FRMPD2: variants seen among roughly 807,000 people sequenced by gnomAD.
The protein encoded by FRMPD2 is FERM and PDZ domain-containing protein 2.
FRMPD2 carries 96 observed loss-of-function variants against 140.1 expected under a neutral mutation model. The observed-to-expected ratio is 0.69, with a 90% CI of 0.58 to 0.81. FRMPD2 has a LOEUF of 0.81. Ranked by LOEUF, FRMPD2 falls within the 40% of genes least tolerant of loss-of-function variation. The pLI is 0.00. For synonymous variants in FRMPD2, 449 were observed against 547.6 expected, an observed-to-expected ratio of 0.82 and a Z score of 2.52; for missense variants, 1,240 against 1,447.4, an observed-to-expected ratio of 0.86 and a Z score of 2.32.
chr10:48,270,389 A>G (rs1840746653), intron 1 of FRMPD2, among the ~76,000 whole-genome samples: 2 of 152,242 alleles, frequency 1.3e-5, no homozygotes, highest in Non-Finnish European at 2.9e-5. Flanking sequence ...CATTCCTGCC[A>G]TCAGGGTCTT....
intron 21 of FRMPD2, among the ~76,000 whole-genome samples, chr10:48,180,388 G>T (rs1838515149): frequency 6.6e-6 from 1 of 152,078 alleles, no homozygotes; most frequent in Non-Finnish European, 1.5e-5. Flanking sequence ...TCCTCCATGG[G>T]GTATGGTCAA....
At chr10:48,215,399 C>T (rs1461850607) in intron 12 of FRMPD2, among the ~76,000 whole-genome samples, 1 of 152,186 alleles carries the variant, frequency 6.6e-6, no homozygotes, top group Non-Finnish European at 1.5e-5. Flanking sequence ...TGGCATATAG[C>T]AAAGCAATGT....
chr10:48,199,984 C>T (rs1222669745), intron 15 of FRMPD2: 4 of 152,006 alleles, frequency 2.6e-5, no homozygotes, highest in East Asian at 1.9e-4. Flanking sequence ...CTGAAGCAGC[C>T]GAGACCCCAT....
chr10:48,199,553 G>A (rs562904793), intron 15 of FRMPD2: 1 of 152,286 alleles, frequency 6.6e-6, no homozygotes, highest in African/African-American at 2.4e-5. Flanking sequence ...CTGCATTCAG[G>A]TCACCATGCT....
chr10:48,244,496 T>C (rs1404910542), intron 4 of FRMPD2, among the ~76,000 whole-genome samples: 1 of 152,226 alleles, frequency 6.6e-6, no homozygotes, highest in African/African-American at 2.4e-5. Flanking sequence ...TCTATAAAAT[T>C]CTCTAGCTTG....
intron 16 of FRMPD2, among the ~76,000 whole-genome samples, chr10:48,187,903 C>T (rs914051020): frequency 3.3e-5 from 5 of 152,164 alleles, no homozygotes; most frequent in East Asian, 1.9e-4. Flanking sequence ...CTGGCCCTGA[C>T]GGAATATGCC....
intron 10 of FRMPD2, among the ~76,000 whole-genome samples, chr10:48,228,246 GAATT>G (rs1839770381): frequency 6.6e-6 from 1 of 151,872 alleles, no homozygotes; most frequent in Non-Finnish European, 1.5e-5. Context: ...AAAACCAAGT[GAATT>G]AATAAATGTA....
chr10:48,236,183 C>A (rs774592084), intron 9 of FRMPD2, among the ~76,000 whole-genome samples: 3 of 151,596 alleles, frequency 2.0e-5, no homozygotes, highest in African/African-American at 7.3e-5. Context: ...TTGTTTCATT[C>A]GCAGCATAGA....
intron 28 of FRMPD2, among the ~76,000 whole-genome samples, chr10:48,159,775 A>G (rs1837884319): frequency 1.3e-5 from 2 of 151,632 alleles, no homozygotes; most frequent in Admixed American, 1.3e-4. Context: ...GAGTTTAATG[A>G]TATGTGCTAG....
intron 14 of FRMPD2, among the ~76,000 whole-genome samples, chr10:48,205,470 G>T (rs1019099961): frequency 1.3e-5 from 2 of 152,142 alleles, no homozygotes; most frequent in African/African-American, 2.4e-5. Flanking sequence ...TACTTTTTAG[G>T]TTACCTGCAT....
In FRMPD2 at chr10:48,209,503, C is replaced by T. The variant is rs556345793; in HGVS notation, c.1611+2451G>A. Among the ~76,000 whole-genome samples the T allele has an allele frequency of 3.9e-5, 6 of 152,314 alleles. No homozygotes were observed. The East Asian group carries it at 7.7e-4, about 20-fold the overall frequency. On this transcript the variant is annotated intron_variant, in intron 13 of 28. Transcript: ENST00000374201. ...TGAACTGGGGACCAAGAGCTAGCCT[C>T]CCAATAATGGTCTTCTCCTTTTTCT...
At chr10:48,224,207 CT>C (rs954270109) in intron 10 of FRMPD2, among the ~76,000 whole-genome samples, 26 of 152,146 alleles carry the variant, frequency 1.7e-4, no homozygotes, top group Non-Finnish European at 3.7e-4. Context: ...TCCCCCACCC[CT>C]CTGCTCTCTT....
chr10:48,250,701 C>A (rs576628488), intron 2 of FRMPD2, among the ~76,000 whole-genome samples: 4 of 152,114 alleles, frequency 2.6e-5, no homozygotes, highest in African/African-American at 9.6e-5. Context: ...AGCCACCACA[C>A]CAGCGTTTTC....
chr10:48,266,558 T>C (rs975258217), intron 1 of FRMPD2, among the ~76,000 whole-genome samples: 20 of 152,354 alleles, frequency 1.3e-4, no homozygotes, highest in African/African-American at 4.8e-4. Flanking sequence ...TTAACTGATC[T>C]TTGACAAAGG....
chr10:48,183,990 A>G (rs1838615419), intron 20 of FRMPD2, among the ~76,000 whole-genome samples: 1 of 152,072 alleles, frequency 6.6e-6, no homozygotes, highest in African/African-American at 2.4e-5. Context: ...GAGAGAGAGG[A>G]TCAGGAAAAA....
chr10:48,253,463 G>A (rs1163366238), intron 1 of FRMPD2, among the ~76,000 whole-genome samples: 3 of 152,112 alleles, frequency 2.0e-5, no homozygotes, highest in Non-Finnish European at 2.9e-5. Context: ...GTTGGATGAC[G>A]TATGGTCTTA....
intron 13 of FRMPD2, among the ~76,000 whole-genome samples, chr10:48,209,507 A>G (rs750349212): frequency 3.9e-5 from 6 of 152,238 alleles, no homozygotes; most frequent in Non-Finnish European, 7.3e-5. Flanking sequence ...TAGCCTCCCA[A>G]TAATGGTCTT....
intron 15 of FRMPD2, among the ~76,000 whole-genome samples, chr10:48,196,597 A>G (rs1335116684): frequency 2.6e-5 from 4 of 152,178 alleles, no homozygotes; most frequent in Non-Finnish European, 4.4e-5. Context: ...ATATCATGGC[A>G]AAGAGAGGTG....
rs761234555 is a variant in FRMPD2, at chr10:48,184,860, T to G, written c.2381A>C (p.Glu794Ala). The stretch of plus-strand genomic sequence containing the variant: ...GCCAGGGTCAGCTTGGCCTGAATAC[T>G]CTCCCTCATTAATGACAAACCCTGT... The part of the protein sequence containing the change: ...RGFGFVINEG[E>A]YSGQADPGIF... Residue 794 changes from glutamate to alanine, a missense_variant, in exon 19 of 29, where the codon GAG (glutamate) becomes GCG (alanine). Glu to Ala is a moderately radical substitution (Grantham distance 107). This residue lies in a region of FRMPD2 where 1,161 missense variants were observed against 1,055.9 expected (regional missense o/e 1.10). Transcript: ENST00000374201. 1 of 1,612,020 alleles carries G rather than the reference T, an allele frequency of 6.2e-7. No individual in the cohort carries two copies. Among genetic ancestry groups the G allele is most frequent in the Non-Finnish European group, 8.5e-7 (1 of 1,178,472 alleles).
Sources: allele counts gnomAD v4.1 joint callset (sites outside exome capture counted in the v4.1 genomes callset), GRCh38; gene constraint gnomAD v4.1.1; regional missense constraint gnomAD v4.1.1; transcripts MANE v1.5; gene names NCBI Gene and HGNC (gene_info 2026-07-23, HGNC 2026-07-21).